UFSP2: variants seen among roughly 807,000 people sequenced by gnomAD.
UFSP2 encodes ufm1-specific protease 2.
In UFSP2, 43 loss-of-function variants were observed where a neutral mutation model predicts 60.2. That is an observed-to-expected ratio of 0.71 (90% confidence interval 0.56 to 0.92). The LOEUF (loss-of-function observed/expected upper bound fraction) is 0.92. Ranked by LOEUF, UFSP2 falls within the 40% of genes least tolerant of loss-of-function variation. The pLI is 0.00. For missense variants in UFSP2, 520 were observed against 575.0 expected, an observed-to-expected ratio of 0.90 and a Z score of 0.98; for synonymous variants, 183 against 195.1, an observed-to-expected ratio of 0.94 and a Z score of 0.52.
intron 2 of UFSP2, among the ~76,000 whole-genome samples, chr4:185,420,543 A>G (rs1333476501): frequency 6.6e-6 from 1 of 152,166 alleles, no homozygotes; most frequent in Non-Finnish European, 1.5e-5. Flanking sequence ...TATCTTGATA[A>G]ATAAATACTT....
chr4:185,408,312 A>G lies in UFSP2; in HGVS notation c.955T>C (p.Tyr319His). Residue 319 changes from tyrosine to histidine, a missense_variant, in exon 8 of 12, where the codon TAC becomes CAC. Physicochemically the swap from Tyr to His is moderately conservative, Grantham distance 83. Transcript: ENST00000264689. The part of the protein sequence containing the change: ...TICSWFKHQG[Y>H]TERSIPTHRE... ...TGTGTTGGAATGGACCTCTCTGTGT[A>G]TCCCTGATGTTTGAACCAAGAGCAG... 1.2e-6 allele frequency: 2 copies of G among 1,614,196 alleles called. No individual in the cohort carries two copies. The highest frequency in any genetic ancestry group is 1.7e-6 in the Non-Finnish European group (2 of 1,180,006).
intron 11 of UFSP2, among the ~76,000 whole-genome samples, chr4:185,401,494 G>T (rs2095513229): frequency 6.6e-6 from 1 of 152,168 alleles, no homozygotes; most frequent in African/African-American, 2.4e-5. Context: ...GGTAGAGAGG[G>T]TGTCAGAATG....
chr4:185,399,908 TTATACTTACC>T lies in UFSP2; in HGVS notation c.*474_*483del. ...ATTCTCATTAACATTTTAGTACTGG[TTATACTTACC>T]AGAGTCTAGAGACCAAAAATGGGAC... On this transcript the variant is annotated 3_prime_UTR_variant, in exon 12 of 12. Transcript: ENST00000264689. The T allele has an allele frequency of 6.5e-7, 1 of 1,543,550 alleles. No homozygotes were observed. The highest frequency in any genetic ancestry group is 1.7e-4 in the Middle Eastern group (1 of 5,790).
chr4:185,405,917 C>T, intron 9 of UFSP2, 61 bp from the exon 10 acceptor site: 2 of 1,612,296 alleles, frequency 1.2e-6, no homozygotes, highest in Non-Finnish European at 1.7e-6. Context: ...AAATAATGAG[C>T]TAGGAGACAA....
At chr4:185,402,638 G>A (rs992182783) in intron 11 of UFSP2, among the ~76,000 whole-genome samples, 1 of 152,022 alleles carries the variant, frequency 6.6e-6, no homozygotes, top group Admixed American at 6.6e-5. Context: ...ACCACACCTG[G>A]CTTATTTTTG....
intron 6 of UFSP2, among the ~76,000 whole-genome samples, chr4:185,414,683 A>T (rs1217482074): frequency 2.6e-5 from 4 of 152,232 alleles, no homozygotes; most frequent in Non-Finnish European, 5.9e-5. Context: ...AATGCTGGTC[A>T]TGTTTTCTCC....
At chr4:185,422,270 G>A (rs191608816) in intron 2 of UFSP2, among the ~76,000 whole-genome samples, 1 of 152,312 alleles carries the variant, frequency 6.6e-6, no homozygotes, top group East Asian at 1.9e-4. Flanking sequence ...TCTTAAGAAA[G>A]GGAACATCTT....
In UFSP2 at chr4:185,418,519, A is replaced by T. The variant is rs774305594; in HGVS notation, c.267-12T>A. On this transcript the variant is annotated splice_polypyrimidine_tract_variant and intron_variant, in intron 3 of 11. Transcript: ENST00000264689. The stretch of plus-strand genomic sequence containing the variant: ...CTTCTGGCTCAAATCTAAATTTTTA[A>T]TACACAGACATTTATAATATGAAAT... The T allele has an allele frequency of 5.0e-6, 8 of 1,609,622 alleles. No homozygotes were observed. The highest frequency in any genetic ancestry group is 6.8e-6 in the Non-Finnish European group (8 of 1,178,340).
At chr4:185,413,971 A>G in intron 6 of UFSP2, 99 bp from the exon 7 acceptor site, 1 of 1,093,356 alleles carries the variant, frequency 9.1e-7, no homozygotes. Context: ...AATTATATAT[A>G]GGTTATAAAA....
Position 185,422,507 on chromosome 4 carries a change from AG to A in UFSP2, c.59del (p.Ala20ValfsTer4). On this transcript the variant is annotated frameshift_variant, in exon 2 of 12. Coordinates refer to ENST00000264689, the MANE Select transcript of UFSP2 (RefSeq NM_018359.5). LOFTEE classifies it high-confidence loss of function. ...LFRIRGGLDL[A>X]FQLATPNEIF... Reference sequence around the variant, plus strand: ...TACCATTAGGAGTAGCTAGCTGAAAAGCCAAATCAAGGCCTCCTCTTATTCT... The same window carrying A: ...TACCATTAGGAGTAGCTAGCTGAAAACCAAATCAAGGCCTCCTCTTATTCT... 1 of 1,611,608 alleles carries A rather than the reference AG, an allele frequency of 6.2e-7. No individual in the cohort carries two copies. The highest frequency in any genetic ancestry group is 8.5e-7 in the Non-Finnish European group (1 of 1,179,352).
chr4:185,414,301 G>C (rs2095534542), intron 6 of UFSP2, among the ~76,000 whole-genome samples: 1 of 152,194 alleles, frequency 6.6e-6, no homozygotes, highest in East Asian at 1.9e-4. Flanking sequence ...TATATTGTAA[G>C]TGGTAGTGAT....
At chr4:185,424,771 T>C (rs978977755) in intron 1 of UFSP2, among the ~76,000 whole-genome samples, 1 of 152,266 alleles carries the variant, frequency 6.6e-6, no homozygotes, top group African/African-American at 2.4e-5. Flanking sequence ...TGCTACTTAC[T>C]GTACAATTTT....
Position 185,415,594 on chromosome 4 carries a change from G to C in UFSP2, c.491+116C>G, listed in dbSNP as rs560605868. 34 of 999,858 alleles carry C rather than the reference G, an allele frequency of 3.4e-5. No individual in the cohort carries two copies. In the African/African-American group the frequency reaches 5.6e-4, roughly 16 times the overall value. 61.9% of individuals were successfully genotyped at this position (999,858 alleles called of 1,614,324 possible). On this transcript the variant is annotated intron_variant, in intron 5 of 11. Coordinates refer to ENST00000264689, the MANE Select transcript of UFSP2 (RefSeq NM_018359.5). Reference sequence around the variant, plus strand: ...CCATTTAATTAATAGATGGCTCTTAGGTTAATAATAAACAAGGAGAAAATC... The same window carrying C: ...CCATTTAATTAATAGATGGCTCTTACGTTAATAATAAACAAGGAGAAAATC...
Position 185,418,765 on chromosome 4 carries a change from AAATT to A in UFSP2, c.84_87del (p.Glu28AspfsTer7). The A allele has an allele frequency of 5.7e-6, 9 of 1,585,480 alleles. No individual in the cohort carries two copies. The highest frequency in any genetic ancestry group is 7.7e-6 in the Non-Finnish European group (9 of 1,171,934). ...ACATGTTTCAGTGCCTTCTTGAGAA[AAATT>A]TCTAAATTAAAAGAATATAAATAGA... On this transcript the variant is annotated frameshift_variant and splice_region_variant, in exon 3 of 12. Coordinates refer to ENST00000264689, the MANE Select transcript of UFSP2 (RefSeq NM_018359.5). LOFTEE classifies it high-confidence loss of function.
At chr4:185,413,942 G>A in intron 6 of UFSP2, 70 bp from the exon 7 acceptor site, 2 of 1,374,928 alleles carry the variant, frequency 1.5e-6, no homozygotes, top group Non-Finnish European at 1.9e-6. Flanking sequence ...AATAAATAAA[G>A]ATGTTATTAA....
intron 7 of UFSP2, among the ~76,000 whole-genome samples, chr4:185,408,652 C>T (rs2095524345): frequency 1.3e-5 from 2 of 152,182 alleles, no homozygotes. Context: ...GACCTACCTT[C>T]TGGCCTCCTC....
At chr4:185,413,564 T>C (rs561442121) in intron 7 of UFSP2, among the ~76,000 whole-genome samples, 162 bp downstream of exon 7, 1 of 152,216 alleles carries the variant, frequency 6.6e-6, no homozygotes, top group Non-Finnish European at 1.5e-5. Flanking sequence ...AGACCATTTT[T>C]AATTACTGCT....
Position 185,406,048 on chromosome 4 carries a change from T to C in UFSP2, c.1122-192A>G, listed in dbSNP as rs953871265. 4 of 1,221,178 alleles carry C rather than the reference T, an allele frequency of 3.3e-6. No individual in the cohort carries two copies. The East Asian group carries it at 8.3e-5, about 25-fold the overall frequency. The allele number at this position is 1,221,178 out of a possible 1,614,324, so 75.6% of individuals were successfully genotyped here. ...AATTTAAAGCAACATAAACTCAAAA[T>C]ACTTAAGGCCACCAAGTGTGCTAGA... On this transcript the variant is annotated intron_variant, in intron 9 of 11. Coordinates refer to ENST00000264689, the MANE Select transcript of UFSP2 (RefSeq NM_018359.5).
Position 185,408,058 on chromosome 4 carries a change from A to G in UFSP2, c.999T>C (p.Ala333=). The change falls in exon 9 of 12, where the codon GCT becomes GCC. Residue 333 remains alanine, a splice_region_variant and synonymous_variant. Coordinates refer to ENST00000264689, the MANE Select transcript of UFSP2 (RefSeq NM_018359.5). ...CTGGTTTGTCCCCGGCATCGACTAG[A>G]GCCTTGATGTATTTAAAAATATAAA... ...SIPTHREIQQ[A]LVDAGDKPAT... The G allele has an allele frequency of 1.2e-6, 2 of 1,613,424 alleles. No homozygotes were observed. Among genetic ancestry groups the G allele is most frequent in the Non-Finnish European group, 1.7e-6 (2 of 1,179,518 alleles).
Sources: gnomAD v4.1 joint callset for allele counts (sites outside exome capture counted in the v4.1 genomes callset) on GRCh38, gnomAD v4.1.1 for gene constraint, MANE v1.5 for transcripts, NCBI Gene and HGNC (gene_info 2026-07-23, HGNC 2026-07-21) for gene names.